Variants in CENPP observed in about 807,000 individuals in gnomAD.
CENPP encodes the protein centromere protein P.
In CENPP, 24 loss-of-function variants were observed where a neutral mutation model predicts 35.6. That is an observed-to-expected ratio of 0.67 (90% confidence interval 0.49 to 0.95). CENPP has a LOEUF of 0.95. CENPP is among the 40% of genes least tolerant of loss of function. CENPP has a pLI of 0.00. For synonymous variants in CENPP, 120 were observed against 125.5 expected (o/e 0.96, Z 0.29); for missense variants, 332 against 345.3 (o/e 0.96, Z 0.31).
intron 2 of CENPP, among the ~76,000 whole-genome samples, chr9:92,333,761 A>G (rs928690401): frequency 6.6e-6 from 1 of 151,910 alleles, no homozygotes; most frequent in Non-Finnish European, 1.5e-5. Flanking sequence ...GGAGTTTTGC[A>G]CTGTCACCCG....
At chr9:92,344,865 T>TAGGTAAA (rs1472586827) in intron 3 of CENPP, among the ~76,000 whole-genome samples, 1 of 149,952 alleles carries the variant, frequency 6.7e-6, no homozygotes, top group Non-Finnish European at 1.5e-5. Flanking sequence ...GCTCATCTTA[T>TAGGTAAA]AGGTAAAAAT....
In CENPP at chr9:92,477,349, G is replaced by C. The variant is rs1254340110; in HGVS notation, c.564+97490G>C. 2.0e-5 allele frequency among the ~76,000 whole-genome samples: 3 copies of C among 152,124 alleles called. No homozygotes were observed. The South Asian group carries it at 6.2e-4, about 32-fold the overall frequency. On this transcript the variant is annotated intron_variant, in intron 5 of 7. Transcript: ENST00000375587. ...TGTTTTGACTTAGGGCTGTTGTGTG[G>C]CTCCTGACTCCTTAAGGTTTAGTGC... is the stretch of plus-strand genomic sequence containing the variant.
chr9:92,516,064 CT>C lies in CENPP; in HGVS notation c.565-95242del, dbSNP rs869200958. On this transcript the variant is annotated intron_variant, in intron 5 of 7. Transcript: ENST00000375587. ...GGAAGAACTGATTTCACAGTGCATA[CT>C]TTTTTTTCCCCCCCCCGAGACGGAG... Among the ~76,000 whole-genome samples, 621 of 148,868 alleles carry C rather than the reference CT, an allele frequency of 4.2e-3. 9 individuals carry two copies. Among genetic ancestry groups the C allele is most frequent in the East Asian group, 7.8e-3 (40 of 5,152 alleles).
At chr9:92,497,988 TG>T (rs1846453824) in intron 5 of CENPP, among the ~76,000 whole-genome samples, 1 of 151,986 alleles carries the variant, frequency 6.6e-6, no homozygotes, top group Admixed American at 6.5e-5. Context: ...GGAAGCAGCC[TG>T]AAGGCCCTCA....
At chr9:92,361,440 CTTATTTTATTTTATT>C (rs200322873) in intron 4 of CENPP, among the ~76,000 whole-genome samples, 27,998 of 111,356 alleles carry the variant, frequency 0.25, 4,159 homozygotes, top group African/African-American at 0.4. Flanking sequence ...CGTACCTGGC[CTTATTTTATTTTATT>C]TTATTTTATT....
chr9:92,577,369 G>T (rs1174193719), intron 5 of CENPP, among the ~76,000 whole-genome samples: 3 of 152,076 alleles, frequency 2.0e-5, no homozygotes, highest in African/African-American at 7.2e-5. Context: ...CAAAATATTA[G>T]CTGGGCATGG....
At chr9:92,522,429 C>T (rs1848131266) in intron 5 of CENPP, 1 of 967,780 alleles carries the variant, frequency 1.0e-6, no homozygotes, top group Non-Finnish European at 1.4e-6. Context: ...TAGATTAAAC[C>T]AAAAAGTAAT....
chr9:92,494,023 T>G, intron 5 of CENPP: 1 of 1,565,360 alleles, frequency 6.4e-7, no homozygotes, highest in Non-Finnish European at 8.7e-7. Flanking sequence ...TGTCACCCAT[T>G]TTTCTGACTG....
rs140666433 is a variant in CENPP at position 92,473,701 on chromosome 9, G to C, written c.564+93842G>C. On this transcript the variant is annotated intron_variant, in intron 5 of 7. Coordinates refer to ENST00000375587, the MANE Select transcript of CENPP (RefSeq NM_001012267.3). ...TAGCCTATTTCATTAGACTTTACTA[G>C]TAAGTCTAGCTCGTATTAGTCTCCC... Among the ~76,000 whole-genome samples the C allele has an allele frequency of 2.6e-5, 4 of 152,246 alleles. No homozygotes were observed. In the East Asian group the frequency reaches 7.7e-4, roughly 29 times the overall value.
intron 5 of CENPP, among the ~76,000 whole-genome samples, chr9:92,577,782 T>TTTTATTTATTTA (rs746950356): frequency 2.6e-5 from 4 of 151,666 alleles, no homozygotes; most frequent in African/African-American, 7.2e-5. Context: ...AGACCCTATC[T>TTTTATTTATTTA]TTTATTTATT....
At chr9:92,450,308 A>G (rs1413309800) in intron 5 of CENPP, among the ~76,000 whole-genome samples, 2 of 132,188 alleles carry the variant, frequency 1.5e-5, no homozygotes, top group African/African-American at 2.9e-5. Flanking sequence ...ATGTGTTCTC[A>G]TTGTTCAATT....
chr9:92,566,621 A>G, intron 5 of CENPP, among the ~76,000 whole-genome samples: 1 of 152,196 alleles, frequency 6.6e-6, no homozygotes, highest in East Asian at 1.9e-4. Context: ...TTGAGCAGGT[A>G]GAAGAAATAA....
intron 5 of CENPP, chr9:92,386,160 T>C (rs1194842923): frequency 1.4e-6 from 2 of 1,422,244 alleles, no homozygotes; most frequent in Non-Finnish European, 2.0e-6. Flanking sequence ...TTTTGACTCA[T>C]AGGTAATTAG....
Position 92,615,904 on chromosome 9 carries a change from G to A in CENPP, c.*2755G>A. The A allele has an allele frequency of 1.2e-6, 2 of 1,614,152 alleles. No homozygotes were observed. The highest frequency in any genetic ancestry group is 1.7e-6 in the Non-Finnish European group (2 of 1,180,028). ...GAGTCGACATCACGGCGTTGTCTTT[G>A]GCACGTACAGTCTTTGAATAATAGT... On this transcript the variant is annotated 3_prime_UTR_variant, in exon 8 of 8. Coordinates refer to ENST00000375587, the MANE Select transcript of CENPP (RefSeq NM_001012267.3).
At chr9:92,408,976 C>T (rs762219084) in intron 5 of CENPP, among the ~76,000 whole-genome samples, 4 of 152,122 alleles carry the variant, frequency 2.6e-5, no homozygotes, top group Non-Finnish European at 4.4e-5. Context: ...TATGAGAACC[C>T]ATGTATTTTA....
rs1469707109 is a variant in CENPP, at chr9:92,618,157, A to T, written c.*5008A>T. On this transcript the variant is annotated 3_prime_UTR_variant, in exon 8 of 8. Transcript: ENST00000375587. The stretch of plus-strand genomic sequence containing the variant: ...GGAAGCAGGCCCAGCCCCACACGCC[A>T]TGTTCTCGGAGGAGAAGCCTTCTCT... 4.5e-6 allele frequency: 2 copies of T among 446,674 alleles called. No individual in the cohort carries two copies. Among genetic ancestry groups the T allele is most frequent in the East Asian group, 7.0e-5 (1 of 14,220 alleles). 27.7% of individuals were successfully genotyped at this position (446,674 alleles called of 1,614,324 possible). A position where few individuals can be genotyped will look rare whatever the true frequency, so the allele number is the denominator to read the frequency against.
At chr9:92,360,959 G>A (rs1008790512) in intron 4 of CENPP, among the ~76,000 whole-genome samples, 1 of 151,766 alleles carries the variant, frequency 6.6e-6, no homozygotes, top group Non-Finnish European at 1.5e-5. Context: ...CGCCCGCCTC[G>A]GCCTCCCAAA....
At position 92,332,277 on chromosome 9, in the gene CENPP, C is replaced by G. The variant is rs150818648; in HGVS notation, c.215C>G (p.Thr72Arg). Residue 72 changes from threonine (T) to arginine (R), a missense_variant, in exon 2 of 8, where the codon ACG (threonine) becomes AGG (arginine). Coordinates refer to ENST00000375587, the MANE Select transcript of CENPP (RefSeq NM_001012267.3). ...GAATCAGAACTTTCATTTCTAAGTACGCTTACTGGCATCAATATAAGAAAT... is the reference window on the plus strand; with the variant it reads ...GAATCAGAACTTTCATTTCTAAGTAGGCTTACTGGCATCAATATAAGAAAT... ...HLESELSFLS[T>R]LTGINIRNHS... is the part of the protein sequence containing the mutation. 6 of 1,612,024 alleles carry G rather than the reference C, an allele frequency of 3.7e-6. No individual in the cohort carries two copies. The highest frequency in any genetic ancestry group is 4.2e-6 in the Non-Finnish European group (5 of 1,178,982).
At chr9:92,547,379 C>T (rs1210395788) in intron 5 of CENPP, among the ~76,000 whole-genome samples, 2 of 152,174 alleles carry the variant, frequency 1.3e-5, no homozygotes, top group African/African-American at 4.8e-5. Flanking sequence ...CTATTCATAA[C>T]AGCTAAAATT....
Sources: allele counts gnomAD v4.1 joint callset (sites outside exome capture counted in the v4.1 genomes callset), GRCh38; gene constraint gnomAD v4.1.1; transcripts MANE v1.5; gene names NCBI Gene and HGNC (gene_info 2026-07-23, HGNC 2026-07-21).